GADL1: variants seen among roughly 807,000 people sequenced by gnomAD.
The protein encoded by GADL1 is acidic amino acid decarboxylase GADL1.
Under a neutral mutation model 69.5 loss-of-function variants are expected in GADL1, and 71 were observed. The ratio of observed to expected loss-of-function variants is 1.02; its 90% CI spans 0.84 to 1.25. The LOEUF (loss-of-function observed/expected upper bound fraction) is 1.25, where lower values mean the gene tolerates loss of function less well. Ranked by LOEUF, GADL1 falls within the 50% of genes most tolerant of loss-of-function variation. The probability of loss-of-function intolerance (pLI) is 0.00; values close to 1 mark genes in which losing one functional copy is unlikely to be tolerated. For missense variants in GADL1, 737 were observed against 631.8 expected, an observed-to-expected ratio of 1.17 and a Z score of -1.79; for synonymous variants, 254 against 214.4, an observed-to-expected ratio of 1.18 and a Z score of -1.62.
chr3:30,781,713 A>G (rs1696669058), intron 13 of GADL1, among the ~76,000 whole-genome samples: 1 of 152,196 alleles, frequency 6.6e-6, no homozygotes, highest in Non-Finnish European at 1.5e-5. Context: ...TTCCTAAACT[A>G]TAAAATGTAG....
At chr3:30,838,342 T>C (rs570341823) in intron 9 of GADL1, among the ~76,000 whole-genome samples, 1 of 152,266 alleles carries the variant, frequency 6.6e-6, no homozygotes, top group Admixed American at 6.5e-5. Context: ...ATTTTTAAAG[T>C]TACCTTCGAT....
rs371383441 is a variant in GADL1 at position 30,856,303 on chromosome 3, A to G, written c.337+712T>C. Among the ~76,000 whole-genome samples the G allele has an allele frequency of 2.0e-5, 3 of 152,084 alleles. No homozygotes were observed. The East Asian group carries it at 5.8e-4, about 29-fold the overall frequency. On this transcript the variant is annotated intron_variant, in intron 3 of 14. Transcript: ENST00000282538. Reference sequence around the variant, plus strand: ...ATTACACTGACAAATATTTTGGAAGATTATTCTCCCATTTTTGAAACTTGT... The same window carrying G: ...ATTACACTGACAAATATTTTGGAAGGTTATTCTCCCATTTTTGAAACTTGT...
At chr3:30,868,769 T>G (rs1218646794) in intron 1 of GADL1, among the ~76,000 whole-genome samples, 1 of 151,916 alleles carries the variant, frequency 6.6e-6, no homozygotes, top group Non-Finnish European at 1.5e-5. Context: ...AAGCCAAGTT[T>G]CCCATCCAAG....
intron 14 of GADL1, among the ~76,000 whole-genome samples, chr3:30,736,592 A>G (rs1695544755): frequency 6.6e-6 from 1 of 152,194 alleles, no homozygotes; most frequent in African/African-American, 2.4e-5. Flanking sequence ...AAGTGCTATG[A>G]AAAACATGAA....
At chr3:30,752,994 ATTAAATT>A (rs1559487631) in intron 14 of GADL1, among the ~76,000 whole-genome samples, 1 of 152,146 alleles carries the variant, frequency 6.6e-6, no homozygotes, top group African/African-American at 2.4e-5. Context: ...GTATTTAAAT[ATTAAATT>A]TTAAAAATAG....
intron 6 of GADL1, among the ~76,000 whole-genome samples, chr3:30,847,484 A>T (rs1348103303): frequency 1.3e-5 from 2 of 152,224 alleles, no homozygotes; most frequent in Non-Finnish European, 1.5e-5. Flanking sequence ...ACTGTTTACT[A>T]AACACAACCT....
At chr3:30,859,324 A>G (rs1315189309) in intron 2 of GADL1, among the ~76,000 whole-genome samples, 3 of 151,940 alleles carry the variant, frequency 2.0e-5, no homozygotes, top group Non-Finnish European at 4.4e-5. Flanking sequence ...TAAATTGGAA[A>G]TGCCTGAGAC....
rs751550063 is a variant in GADL1, at chr3:30,800,950, A to C, written c.1189T>G (p.Trp397Gly). Residue 397 changes from tryptophan (W) to glycine (G), a missense_variant, in exon 12 of 15, where the codon TGG (tryptophan) becomes GGG (glycine). Coordinates refer to ENST00000282538, the MANE Select transcript of GADL1 (RefSeq NM_207359.3). ...RPDAFKFWMT[W>G]KALGTLGLEE... Reference sequence around the variant, plus strand: ...AGGCCTAATGTACCCAGGGCCTTCCAGGTCATCCAGAACTTGAATGCATCT... The same window carrying C: ...AGGCCTAATGTACCCAGGGCCTTCCCGGTCATCCAGAACTTGAATGCATCT... 14 of 1,613,816 alleles carry C rather than the reference A, an allele frequency of 8.7e-6. No individual in the cohort carries two copies. The highest frequency in any genetic ancestry group is 2.2e-5 in the East Asian group (1 of 44,844).
intron 1 of GADL1, among the ~76,000 whole-genome samples, chr3:30,874,358 G>A (rs1369675755): frequency 6.6e-6 from 1 of 151,948 alleles, no homozygotes; most frequent in Non-Finnish European, 1.5e-5. Flanking sequence ...GAGAAATGAA[G>A]TACTCGCAGA....
At chr3:30,814,981 AATT>A (rs1182596593) in intron 11 of GADL1, among the ~76,000 whole-genome samples, 5 of 148,598 alleles carry the variant, frequency 3.4e-5, no homozygotes, top group South Asian at 4.3e-4. Context: ...AAAAAAAAAA[AATT>A]TTTTTCATTA....
At chr3:30,788,976 G>T (rs963362167) in intron 12 of GADL1, among the ~76,000 whole-genome samples, 1 of 152,080 alleles carries the variant, frequency 6.6e-6, no homozygotes, top group Non-Finnish European at 1.5e-5. Flanking sequence ...ATGAGAGTTG[G>T]AATTAACTTA....
rs34788058 is a variant in GADL1 at position 30,805,734 on chromosome 3, C to CTTTTTTTTTTTTTTTT, written c.1051-4662_1051-4647dup. 1.8e-4 allele frequency among the ~76,000 whole-genome samples: 12 copies of CTTTTTTTTTTTTTTTT among 66,092 alleles called. 1 individual carries two copies. Among genetic ancestry groups the CTTTTTTTTTTTTTTTT allele is most frequent in the African/African-American group, 8.4e-4 (10 of 11,836 alleles). 43.4% of individuals were successfully genotyped at this position (66,092 alleles called of 152,430 possible). On this transcript the variant is annotated intron_variant, in intron 11 of 14. Transcript: ENST00000282538. Reference sequence around the variant, plus strand: ...ATTCTGTGCACCAGCAGTCCCCAGCCTTTTTTTTTTTTTTTTTTTTTTTTG... The same window carrying CTTTTTTTTTTTTTTTT: ...ATTCTGTGCACCAGCAGTCCCCAGCCTTTTTTTTTTTTTTTTTTTTTTTTTTTTTTTTTTTTTTTTG...
At position 30,827,232 on chromosome 3, in the gene GADL1, A is replaced by G. The variant is rs950869993; in HGVS notation, c.1050+6621T>C. Among the ~76,000 whole-genome samples, 2 of 151,338 alleles carry G rather than the reference A, an allele frequency of 1.3e-5. 1 individual carries two copies. Reference sequence around the variant, plus strand: ...GTTTTATACTCAGTAGTAGAGCGATAGTGGTGAGTGAGACCCATTCTGTCC... The same window carrying G: ...GTTTTATACTCAGTAGTAGAGCGATGGTGGTGAGTGAGACCCATTCTGTCC... On this transcript the variant is annotated intron_variant, in intron 11 of 14. Coordinates refer to ENST00000282538, the MANE Select transcript of GADL1 (RefSeq NM_207359.3).
intron 11 of GADL1, among the ~76,000 whole-genome samples, chr3:30,825,910 G>A (rs1051303541): frequency 4.6e-5 from 7 of 151,892 alleles, no homozygotes; most frequent in Admixed American, 6.6e-5. Context: ...TGCATGCTTA[G>A]CACATGTATC....
intron 12 of GADL1, among the ~76,000 whole-genome samples, chr3:30,792,567 ATCT>A (rs1304014544): frequency 6.6e-6 from 1 of 152,122 alleles, no homozygotes; most frequent in African/African-American, 2.4e-5. Context: ...ACAGAGCAAG[ATCT>A]TCTCCAACAG....
At chr3:30,739,625 A>G (rs1254760095) in intron 14 of GADL1, among the ~76,000 whole-genome samples, 1 of 152,066 alleles carries the variant, frequency 6.6e-6, no homozygotes, top group Non-Finnish European at 1.5e-5. Context: ...TTCTTTATTC[A>G]GCTATAGTGC....
intron 11 of GADL1, among the ~76,000 whole-genome samples, chr3:30,830,044 C>T (rs1257714926): frequency 2.0e-5 from 3 of 151,856 alleles, no homozygotes; most frequent in Non-Finnish European, 4.4e-5. Context: ...ACATGCCTCA[C>T]ATTTTGTATG....
chr3:30,829,088 C>A (rs1346539800), intron 11 of GADL1, among the ~76,000 whole-genome samples: 3 of 151,792 alleles, frequency 2.0e-5, no homozygotes, highest in Non-Finnish European at 4.4e-5. Flanking sequence ...GAATATATTG[C>A]CTTTTATTTT....
chr3:30,842,822 T>TTAAA (rs1553602110), intron 8 of GADL1, among the ~76,000 whole-genome samples: 190 of 103,482 alleles, frequency 1.8e-3, no homozygotes, highest in Non-Finnish European at 2.8e-3. Flanking sequence ...TTGGAATGTT[T>TTAAA]AAAAAAAAAA....
Sources: allele counts gnomAD v4.1 joint callset (sites outside exome capture counted in the v4.1 genomes callset), GRCh38; gene constraint gnomAD v4.1.1; transcripts MANE v1.5; gene names NCBI Gene and HGNC (gene_info 2026-07-23, HGNC 2026-07-21).